The following ARHGAP15 variants were observed in gnomAD, a reference collection of about 807,000 sequenced individuals.
ARHGAP15 encodes Rho GTPase activating protein 15.
Under a neutral mutation model 63.7 loss-of-function variants are expected in ARHGAP15, and 51 were observed. The observed-to-expected ratio is 0.80, with a 90% CI of 0.64 to 1.01. The LOEUF (loss-of-function observed/expected upper bound fraction) is 1.01. Ranked by LOEUF, ARHGAP15 falls within the 50% of genes least tolerant of loss-of-function variation. ARHGAP15 has a pLI of 0.00. For missense variants in ARHGAP15, 560 were observed against 564.6 expected, an observed-to-expected ratio of 0.99 and a Z score of 0.08; for synonymous variants, 191 against 193.8, an observed-to-expected ratio of 0.99 and a Z score of 0.12.
chr2:143,307,317 G>T (rs1683218217), intron 6 of ARHGAP15, among the ~76,000 whole-genome samples: 1 of 152,028 alleles, frequency 6.6e-6, no homozygotes, highest in Non-Finnish European at 1.5e-5. Context: ...CATATTCACA[G>T]GTCCTGTCTG....
chr2:143,249,377 T>C (rs1428999150), intron 5 of ARHGAP15, among the ~76,000 whole-genome samples: 2 of 152,098 alleles, frequency 1.3e-5, no homozygotes, highest in East Asian at 3.8e-4. Context: ...TAGAATTGGA[T>C]ATAATGGCTA....
rs147617891 is a variant in ARHGAP15 at position 143,758,364 on chromosome 2, T to C, written c.1245-9625T>C. On this transcript the variant is annotated intron_variant, in intron 13 of 13. Coordinates refer to ENST00000295095, the MANE Select transcript of ARHGAP15 (RefSeq NM_018460.4). ...AGAAGGAACACCCATCTGTTAATTA[T>C]AGTTATGAAGAAATTTGACTAGGAA... is the stretch of plus-strand genomic sequence containing the variant. Among the ~76,000 whole-genome samples the C allele has an allele frequency of 5.8e-4, 88 of 151,964 alleles. 1 individual carries two copies. In the East Asian group the frequency reaches 0.014, roughly 23 times the overall value.
intron 9 of ARHGAP15, among the ~76,000 whole-genome samples, chr2:143,493,880 G>T (rs1016435737): frequency 3.9e-5 from 6 of 152,086 alleles, no homozygotes; most frequent in African/African-American, 1.4e-4. Context: ...CCACACACTC[G>T]ATCAGTAGCT....
At chr2:143,233,948 T>A (rs1413943959) in intron 5 of ARHGAP15, among the ~76,000 whole-genome samples, 1 of 152,108 alleles carries the variant, frequency 6.6e-6, no homozygotes, top group Non-Finnish European at 1.5e-5. Flanking sequence ...CCAGGCCCAA[T>A]GGCTATCTTT....
chr2:143,229,262 A>AT (rs752003892), intron 5 of ARHGAP15, among the ~76,000 whole-genome samples: 136 of 152,240 alleles, frequency 8.9e-4, no homozygotes, highest in Non-Finnish European at 9.7e-4. Flanking sequence ...TAGCCAAGTG[A>AT]TTTTTTATCT....
chr2:143,358,398 G>A (rs990275494), intron 6 of ARHGAP15, among the ~76,000 whole-genome samples: 2 of 152,038 alleles, frequency 1.3e-5, no homozygotes, highest in African/African-American at 4.8e-5. Context: ...GATTGAAAAT[G>A]TGTATGCCAT....
intron 5 of ARHGAP15, chr2:143,236,057 C>A: frequency 6.8e-7 from 1 of 1,465,752 alleles, no homozygotes; most frequent in Non-Finnish European, 9.1e-7. Flanking sequence ...AGAGAAGAAG[C>A]TCTGCAATTT....
intron 6 of ARHGAP15, among the ~76,000 whole-genome samples, chr2:143,417,512 G>A (rs1196466112): frequency 6.6e-6 from 1 of 152,168 alleles, no homozygotes; most frequent in Non-Finnish European, 1.5e-5. Context: ...TAGGTACTTT[G>A]CCACAGGGTT....
intron 13 of ARHGAP15, among the ~76,000 whole-genome samples, chr2:143,730,840 T>C (rs551872999): frequency 6.6e-6 from 1 of 150,684 alleles, no homozygotes; most frequent in South Asian, 2.1e-4. Flanking sequence ...GGGGTTGGTT[T>C]TGTTTTTAAT....
chr2:143,548,600 T>C (rs1349886413), intron 10 of ARHGAP15, among the ~76,000 whole-genome samples: 1 of 152,002 alleles, frequency 6.6e-6, no homozygotes, highest in African/African-American at 2.4e-5. Context: ...CTTCCATGTC[T>C]TAAGAGAATA....
intron 6 of ARHGAP15, among the ~76,000 whole-genome samples, chr2:143,376,084 T>G (rs1270510932): frequency 1.3e-5 from 2 of 152,196 alleles, no homozygotes; most frequent in Non-Finnish European, 2.9e-5. Context: ...AGCTGGTGTT[T>G]AGAATAATGA....
intron 6 of ARHGAP15, among the ~76,000 whole-genome samples, chr2:143,379,487 A>G (rs3071051): frequency 0.034 from 4,410 of 129,608 alleles, 96 homozygotes; most frequent in South Asian, 0.043. Flanking sequence ...AGGCATATAT[A>G]TGTGTGTGTG....
At chr2:143,392,226 G>A (rs1687565683) in intron 6 of ARHGAP15, among the ~76,000 whole-genome samples, 1 of 152,078 alleles carries the variant, frequency 6.6e-6, no homozygotes, top group South Asian at 2.1e-4. Flanking sequence ...GCAATGGCAT[G>A]GATTTTTATG....
chr2:143,558,368 A>G (rs1316465823), intron 11 of ARHGAP15, among the ~76,000 whole-genome samples: 1 of 152,130 alleles, frequency 6.6e-6, no homozygotes, highest in Non-Finnish European at 1.5e-5. Flanking sequence ...AATTTCATTC[A>G]ATAAGCCTCC....
At chr2:143,538,303 T>C (rs973588486) in intron 10 of ARHGAP15, among the ~76,000 whole-genome samples, 1 of 152,252 alleles carries the variant, frequency 6.6e-6, no homozygotes, top group East Asian at 1.9e-4. Flanking sequence ...GTTTTCTAGA[T>C]ATACAATCAT....
chr2:143,225,377 G>A (rs1481248009), intron 4 of ARHGAP15, among the ~76,000 whole-genome samples: 2 of 152,082 alleles, frequency 1.3e-5, no homozygotes, highest in Non-Finnish European at 2.9e-5. Flanking sequence ...CGAGGCAGGC[G>A]GATCACGAAG....
chr2:143,507,386 G>C (rs1394607294), intron 9 of ARHGAP15, among the ~76,000 whole-genome samples: 3 of 152,128 alleles, frequency 2.0e-5, no homozygotes, highest in Non-Finnish European at 2.9e-5. Context: ...AGTGGTTTTA[G>C]AGTTATTATT....
chr2:143,317,727 G>A (rs1052527158), intron 6 of ARHGAP15, among the ~76,000 whole-genome samples: 6 of 152,156 alleles, frequency 3.9e-5, no homozygotes, highest in Non-Finnish European at 8.8e-5. Flanking sequence ...GTTCATAACC[G>A]TGGTTTGGGG....
chr2:143,577,699 T>C (rs536332987), intron 11 of ARHGAP15, among the ~76,000 whole-genome samples: 11 of 152,202 alleles, frequency 7.2e-5, no homozygotes, highest in South Asian at 4.1e-4. Flanking sequence ...ACCAAAATTG[T>C]GTCATTAACT....
Sources: allele counts gnomAD v4.1 joint callset (sites outside exome capture counted in the v4.1 genomes callset), GRCh38; gene constraint gnomAD v4.1.1; transcripts MANE v1.5; gene names NCBI Gene and HGNC (gene_info 2026-07-23, HGNC 2026-07-21).